TPP2: variants seen among roughly 807,000 people sequenced by gnomAD.
TPP2 encodes tripeptidyl-peptidase 2.
A neutral mutation model predicts 155.9 loss-of-function variants in TPP2; 34 were observed. The ratio of observed to expected loss-of-function variants is 0.22; its 90% CI spans 0.17 to 0.29. The LOEUF is 0.29. TPP2 is among the 10% of genes least tolerant of loss of function. TPP2 has a pLI of 1.00. For synonymous variants in TPP2, 510 were observed against 529.4 expected, an observed-to-expected ratio of 0.96 and a Z score of 0.50; for missense variants, 1,028 against 1,522.3, an observed-to-expected ratio of 0.68 and a Z score of 5.40.
chr13:102,646,199 T>C, intron 19 of TPP2, 95 bp from the exon 20 acceptor site: 2 of 938,964 alleles, frequency 2.1e-6, no homozygotes, highest in Non-Finnish European at 3.2e-6. Context: ...ATCTGCACTT[T>C]TTGCAATATG....
intron 5 of TPP2, among the ~76,000 whole-genome samples, chr13:102,621,637 A>G (rs1470866594): frequency 1.3e-5 from 2 of 152,270 alleles, no homozygotes; most frequent in East Asian, 3.9e-4. Flanking sequence ...GAGCCGTTGG[A>G]AGACATGGAA....
intron 29 of TPP2, among the ~76,000 whole-genome samples, chr13:102,676,903 T>G (rs1409023488): frequency 1.3e-5 from 2 of 152,140 alleles, no homozygotes; most frequent in African/African-American, 4.8e-5. Context: ...GTAAAAAAAT[T>G]TAGCTGATTT....
intron 1 of TPP2, among the ~76,000 whole-genome samples, chr13:102,598,280 C>T (rs560455351): frequency 6.6e-6 from 1 of 152,264 alleles, no homozygotes; most frequent in Non-Finnish European, 1.5e-5. Flanking sequence ...GCTATCTTAT[C>T]CTCCTTTCTA....
At chr13:102,676,252 G>A (rs186615877) in intron 28 of TPP2, 44 bp from the exon 29 acceptor site, 2 of 1,489,424 alleles carry the variant, frequency 1.3e-6, no homozygotes, top group Admixed American at 2.1e-5. Context: ...GCCTTAAAAT[G>A]TAAATTATTT....
At chr13:102,663,577 A>T (rs1884394055) in intron 25 of TPP2, 71 bp from the exon 26 acceptor site, 2 of 1,086,188 alleles carry the variant, frequency 1.8e-6, no homozygotes, top group Admixed American at 3.2e-5. Flanking sequence ...AAACAATGTT[A>T]AATAATAGAG....
At position 102,674,466 on chromosome 13, in the gene TPP2, A is replaced by C; in HGVS notation, c.3555A>C (p.Lys1185Asn). The change falls in exon 28 of 30, where the codon AAA becomes AAC. Residue 1185 changes from lysine (K) to asparagine (N), a missense_variant. Physicochemically the swap from Lys to Asn is moderately conservative, Grantham distance 94 (BLOSUM62 0). Transcript: ENST00000376052. Reference protein sequence around the residue: ...SLAETFWETTKWTDLFDNKVL... With the variant: ...SLAETFWETTNWTDLFDNKVL... ...CAGAAACATTTTGGGAAACTACTAA[A>C]TGGACTGATCTCTTTGACAATAAGG... 10 of 1,613,704 alleles carry C rather than the reference A, an allele frequency of 6.2e-6. No homozygotes were observed. Among genetic ancestry groups the C allele is most frequent in the Non-Finnish European group, 8.5e-6 (10 of 1,179,708 alleles).
intron 25 of TPP2, among the ~76,000 whole-genome samples, chr13:102,659,244 G>A (rs1379721864): frequency 6.6e-6 from 1 of 152,150 alleles, no homozygotes; most frequent in African/African-American, 2.4e-5. Context: ...CACCATTAGT[G>A]CACCAAAGTC....
At chr13:102,626,873 C>A in intron 6 of TPP2, 139 bp from the exon 7 acceptor site, 1 of 741,648 alleles carries the variant, frequency 1.3e-6, no homozygotes, top group Non-Finnish European at 2.0e-6. Flanking sequence ...TCCTTTGTGA[C>A]TTGAGTTTTT....
intron 10 of TPP2, among the ~76,000 whole-genome samples, chr13:102,632,313 C>T (rs150542168): frequency 0.014 from 2,137 of 151,404 alleles, 20 homozygotes; most frequent in Admixed American, 0.032. Flanking sequence ...GGCATGATCT[C>T]GGCTCACTAC....
At chr13:102,620,047 A>G (rs967078781) in intron 5 of TPP2, among the ~76,000 whole-genome samples, 1 of 152,232 alleles carries the variant, frequency 6.6e-6, no homozygotes, top group South Asian at 2.1e-4. Context: ...ATACTAAAAT[A>G]TTAGCAGGGA....
chr13:102,597,280 C>G, intron 1 of TPP2, 77 bp downstream of exon 1: 1 of 859,178 alleles, frequency 1.2e-6, no homozygotes, highest in Non-Finnish European at 1.6e-6. Flanking sequence ...TCTCGGAGCC[C>G]GGCAGGCCAA....
chr13:102,597,148 G>T lies in TPP2; in HGVS notation c.110G>T (p.Gly37Val). ...LCRYPEYDGR[G>V]VLIAVLDTGV... Reference sequence around the variant, plus strand: ...CGCTACCCGGAGTATGATGGGCGGGGGGTGCTCATCGCAGTCCTGGACACG... The same window carrying T: ...CGCTACCCGGAGTATGATGGGCGGGTGGTGCTCATCGCAGTCCTGGACACG... Residue 37 changes from glycine to valine, a missense_variant, in exon 1 of 30, where the codon GGG (glycine) becomes GTG (valine). Transcript: ENST00000376052. 1.9e-6 allele frequency: 3 copies of T among 1,608,562 alleles called. No homozygotes were observed. The highest frequency in any genetic ancestry group is 1.7e-6 in the Non-Finnish European group (2 of 1,178,220).
intron 24 of TPP2, among the ~76,000 whole-genome samples, chr13:102,655,812 C>G (rs1326851823): frequency 6.6e-6 from 1 of 151,944 alleles, no homozygotes; most frequent in Admixed American, 6.6e-5. Context: ...CGTACACTGC[C>G]TCTCAGCTAA....
chr13:102,642,410 G>A (rs149109532), intron 16 of TPP2, among the ~76,000 whole-genome samples: 94 of 151,752 alleles, frequency 6.2e-4, no homozygotes, highest in African/African-American at 2.2e-3. Context: ...GATTGGTTTA[G>A]GTTGGTATTG....
intron 24 of TPP2, among the ~76,000 whole-genome samples, chr13:102,651,934 T>C (rs1451386644): frequency 6.6e-6 from 1 of 152,196 alleles, no homozygotes; most frequent in African/African-American, 2.4e-5. Context: ...ATAAGGACTG[T>C]TCACTGACAA....
intron 2 of TPP2, among the ~76,000 whole-genome samples, chr13:102,607,004 A>C (rs1879884188): frequency 6.6e-6 from 1 of 152,150 alleles, no homozygotes; most frequent in African/African-American, 2.4e-5. Flanking sequence ...TAGTACCCTT[A>C]TAAGAAGAGA....
chr13:102,658,358 A>T (rs1279570100), intron 25 of TPP2, among the ~76,000 whole-genome samples: 2 of 152,174 alleles, frequency 1.3e-5, no homozygotes, highest in Non-Finnish European at 2.9e-5. Context: ...TTTCCCACTT[A>T]AAACTAAATT....
intron 1 of TPP2, among the ~76,000 whole-genome samples, chr13:102,599,851 G>C (rs1879292391): frequency 6.6e-6 from 1 of 152,030 alleles, no homozygotes; most frequent in African/African-American, 2.4e-5. Context: ...AGTAAGAGCT[G>C]GACTGGTCAG....
rs533751054 is a variant in TPP2, at chr13:102,667,935, G to A, written c.3371+3010G>A. 27 of 472,198 alleles carry A rather than the reference G, an allele frequency of 5.7e-5. No homozygotes were observed. In the South Asian group the frequency reaches 2.3e-3, roughly 41 times the overall value. The allele number at this position is 472,198 out of a possible 1,614,324, so 29.3% of individuals were successfully genotyped here. A position where few individuals can be genotyped will look rare whatever the true frequency, so the allele number is the denominator to read the frequency against. ...GACTGCCAGCACTAAGGGCCAAAGA[G>A]AGTTAGCAGTCCCCCTGAGCCAGCG... On this transcript the variant is annotated intron_variant, in intron 27 of 29. Coordinates refer to ENST00000376052, the MANE Select transcript of TPP2 (RefSeq NM_001330588.2).
Sources: allele counts gnomAD v4.1 joint callset (sites outside exome capture counted in the v4.1 genomes callset), GRCh38; gene constraint gnomAD v4.1.1; transcripts MANE v1.5; gene names NCBI Gene and HGNC (gene_info 2026-07-23, HGNC 2026-07-21).